POU3F3: variants seen among roughly 807,000 people sequenced by gnomAD.
POU3F3 encodes the protein POU class 3 homeobox 3, also known as POU domain, class 3, transcription factor 3.
Under a neutral mutation model 8.6 loss-of-function variants are expected in POU3F3, and 1 was observed. The ratio of observed to expected loss-of-function variants is 0.12; its 90% CI spans 0.04 to 0.55. POU3F3 has a LOEUF of 0.55. Ranked by LOEUF, POU3F3 falls within the 20% of genes least tolerant of loss-of-function variation. POU3F3 has a pLI of 0.91. For missense variants in POU3F3, 577 were observed against 690.7 expected (o/e 0.84, Z 1.84); for synonymous variants, 418 against 327.4 (o/e 1.28, Z -2.99).
chr2:104,896,524 G>T, the POU3F3 span, among the ~76,000 whole-genome samples: 808 of 152,312 alleles, frequency 5.3e-3, 6 homozygotes, highest in African/African-American at 0.018. Flanking sequence ...CCATACTTTT[G>T]TAATAACTCT....
the POU3F3 span, among the ~76,000 whole-genome samples, chr2:104,873,839 C>T: frequency 1.3e-5 from 2 of 152,322 alleles, no homozygotes; most frequent in Non-Finnish European, 2.9e-5. Flanking sequence ...CCTGACTGCC[C>T]GCTCGGGGAC....
chr2:104,884,030 G>A, the POU3F3 span, among the ~76,000 whole-genome samples: 1 of 152,176 alleles, frequency 6.6e-6, no homozygotes, highest in East Asian at 1.9e-4. Flanking sequence ...TGCTGCAGAT[G>A]AGGTAGAATT....
chr2:104,913,591 G>T, the POU3F3 span, among the ~76,000 whole-genome samples: 1 of 152,186 alleles, frequency 6.6e-6, no homozygotes, highest in African/African-American at 2.4e-5. Flanking sequence ...CAAAGGCTCT[G>T]CTGTGGGATT....
At chr2:104,900,439 GT>G in the POU3F3 span, among the ~76,000 whole-genome samples, 1 of 152,162 alleles carries the variant, frequency 6.6e-6, no homozygotes. Context: ...TGTTTAGACA[GT>G]TTCCCCCTAA....
chr2:104,878,785 T>C, the POU3F3 span, among the ~76,000 whole-genome samples: 1 of 152,170 alleles, frequency 6.6e-6, no homozygotes, highest in East Asian at 1.9e-4. Context: ...CAAAGGTAGA[T>C]TGGAGCTCTG....
the POU3F3 span, among the ~76,000 whole-genome samples, chr2:104,877,247 T>A: frequency 6.7e-6 from 1 of 150,284 alleles, no homozygotes; most frequent in Non-Finnish European, 1.5e-5. Flanking sequence ...AGCTTGCTTT[T>A]TCCATTTGCA....
chr2:104,912,867 A>G, the POU3F3 span, among the ~76,000 whole-genome samples: 8 of 152,338 alleles, frequency 5.3e-5, no homozygotes, highest in African/African-American at 1.9e-4. Context: ...TGCCAATGCC[A>G]CTGTCACCTT....
the POU3F3 span, among the ~76,000 whole-genome samples, chr2:104,886,666 T>C: frequency 6.6e-6 from 1 of 152,128 alleles, no homozygotes; most frequent in South Asian, 2.1e-4. Context: ...CCAGGACTTT[T>C]AGAGGCTGAG....
the POU3F3 span, among the ~76,000 whole-genome samples, chr2:104,896,777 G>A: frequency 6.6e-6 from 1 of 152,232 alleles, no homozygotes; most frequent in African/African-American, 2.4e-5. Flanking sequence ...CTCTCCTGGA[G>A]AAGCCTGTTT....
chr2:104,925,913 A>G, the POU3F3 span: 1 of 152,230 alleles, frequency 6.6e-6, no homozygotes, highest in Non-Finnish European at 1.5e-5. Context: ...ACAAAATACC[A>G]TAAACTGGGT....
chr2:104,860,827 G>A (rs1246478088), downstream of POU3F3, among the ~76,000 whole-genome samples: 3 of 101,214 alleles, frequency 3.0e-5, no homozygotes, highest in African/African-American at 4.0e-5. Context: ...AGAACTGTTC[G>A]TTATTGATCT....
At chr2:104,869,498 T>C in the POU3F3 span, among the ~76,000 whole-genome samples, 1 of 152,174 alleles carries the variant, frequency 6.6e-6, no homozygotes, top group Non-Finnish European at 1.5e-5. Flanking sequence ...GTAAGGTAAG[T>C]GGAGGGGGTG....
chr2:104,862,115 TC>T (rs1676666201), downstream of POU3F3, among the ~76,000 whole-genome samples: 1 of 152,180 alleles, frequency 6.6e-6, no homozygotes, highest in African/African-American at 2.4e-5. Flanking sequence ...TGATTTCACA[TC>T]CGTGTTTGTT....
the POU3F3 span, among the ~76,000 whole-genome samples, chr2:104,874,218 G>A: frequency 2.8e-4 from 42 of 152,298 alleles, no homozygotes; most frequent in African/African-American, 1.0e-3. Context: ...GGGATTGGGA[G>A]CTGCTGTTTG....
the POU3F3 span, among the ~76,000 whole-genome samples, chr2:104,911,803 C>CAAGTGGT: frequency 6.6e-6 from 1 of 151,620 alleles, no homozygotes; most frequent in African/African-American, 2.4e-5. Context: ...CAGACCCAAA[C>CAAGTGGT]AAGTGGTCTC....
At chr2:104,876,090 G>A in the POU3F3 span, among the ~76,000 whole-genome samples, 1 of 152,156 alleles carries the variant, frequency 6.6e-6, no homozygotes, top group African/African-American at 2.4e-5. Flanking sequence ...TACACAGAAC[G>A]AACACTATTG....
At chr2:104,916,706 T>C in the POU3F3 span, among the ~76,000 whole-genome samples, 45 of 152,204 alleles carry the variant, frequency 3.0e-4, no homozygotes, top group Non-Finnish European at 5.3e-4. Context: ...ATAAAGTGGG[T>C]CCACACTCAA....
chr2:104,923,326 T>A, the POU3F3 span, among the ~76,000 whole-genome samples: 2 of 152,224 alleles, frequency 1.3e-5, no homozygotes, highest in Non-Finnish European at 2.9e-5. Context: ...ATTTTAAAAA[T>A]TATTTGTTTG....
the POU3F3 span, chr2:104,865,693 G>A: frequency 3.9e-5 from 6 of 152,158 alleles, no homozygotes; most frequent in African/African-American, 9.7e-5. Flanking sequence ...AACCCACCAC[G>A]CTCATTGTAC....
Sources: gnomAD v4.1 joint callset for allele counts (sites outside exome capture counted in the v4.1 genomes callset) on GRCh38, gnomAD v4.1.1 for gene constraint, MANE v1.5 for transcripts, NCBI Gene and HGNC (gene_info 2026-07-23, HGNC 2026-07-21) for gene names.